The following FAM210A variants were observed in gnomAD, a reference collection of about 807,000 sequenced individuals.
FAM210A encodes the protein family with sequence similarity 210 member A.
A neutral mutation model predicts 25.3 loss-of-function variants in FAM210A; 13 were observed. The ratio of observed to expected loss-of-function variants is 0.51; its 90% CI spans 0.33 to 0.82. The LOEUF (loss-of-function observed/expected upper bound fraction) is 0.82. Among genes scored for constraint, FAM210A ranks in the 40% least tolerant of loss-of-function variants. The pLI, the probability that FAM210A is intolerant of heterozygous loss-of-function variation, is 0.02. For missense variants in FAM210A, 319 were observed against 323.2 expected (o/e 0.99, Z 0.10); for synonymous variants, 125 against 118.7 (o/e 1.05, Z -0.35).
At chr18:13,702,798 T>C (rs1284399106) in intron 1 of FAM210A, among the ~76,000 whole-genome samples, 2 of 152,214 alleles carry the variant, frequency 1.3e-5, no homozygotes, top group African/African-American at 4.8e-5. Flanking sequence ...TCATAACTGT[T>C]ACCATTTGTT....
intron 2 of FAM210A, among the ~76,000 whole-genome samples, chr18:13,679,358 C>A (rs1275960959): frequency 1.3e-5 from 2 of 152,216 alleles, no homozygotes; most frequent in Admixed American, 1.3e-4. Context: ...AGCCTCTTGT[C>A]AGGTGAATTG....
chr18:13,694,041 A>C (rs888399840), intron 1 of FAM210A, among the ~76,000 whole-genome samples: 16 of 152,230 alleles, frequency 1.1e-4, no homozygotes, highest in African/African-American at 3.6e-4. Context: ...AGGATACAAA[A>C]TCAATGTGCA....
In FAM210A at chr18:13,681,911, A is replaced by C. The variant is rs151157304; in HGVS notation, c.167T>G (p.Leu56Trp). The C allele has an allele frequency of 4.6e-5, 74 of 1,614,200 alleles. No individual in the cohort carries two copies. The highest frequency in any genetic ancestry group is 4.2e-4 in the Admixed American group (25 of 60,026). Residue 56 changes from leucine (L) to tryptophan (W), a missense_variant, in exon 2 of 4, where the codon TTG becomes TGG. Leu to Trp is a moderately conservative substitution (Grantham distance 61). Transcript: ENST00000651643. ...AACACACTGGGCAGCAGATAAATGC[A>C]ACCATTGTTTTTGAGGGCCTTGTAC... The part of the protein sequence containing the change: ...VLVQGPQKQW[L>W]HLSAAQCVAK...
At chr18:13,678,245 T>C (rs189092654) in intron 2 of FAM210A, among the ~76,000 whole-genome samples, 75 of 152,218 alleles carry the variant, frequency 4.9e-4, no homozygotes, top group Non-Finnish European at 7.4e-5. Context: ...CTGGCCTGCA[T>C]CCTTTGTCAG....
intron 1 of FAM210A, among the ~76,000 whole-genome samples, chr18:13,713,486 T>G (rs541263800): frequency 6.6e-6 from 1 of 152,290 alleles, no homozygotes; most frequent in African/African-American, 2.4e-5. Flanking sequence ...AATCACCCCA[T>G]GTGTACACAT....
intron 1 of FAM210A, chr18:13,697,681 CAAAAAAAAAA>C (rs58039903): frequency 2.1e-4 from 15 of 72,798 alleles, no homozygotes; most frequent in African/African-American, 8.6e-4. Context: ...GACTCTGTCT[CAAAAAAAAAA>C]AAAAAAAAAA....
chr18:13,703,135 T>A (rs1174325370), intron 1 of FAM210A, among the ~76,000 whole-genome samples: 1 of 152,244 alleles, frequency 6.6e-6, no homozygotes, highest in Non-Finnish European at 1.5e-5. Context: ...TCTAAGGCTC[T>A]GTACTGTTTT....
chr18:13,713,486 T>A (rs541263800), intron 1 of FAM210A, among the ~76,000 whole-genome samples: 1 of 152,172 alleles, frequency 6.6e-6, no homozygotes. Context: ...AATCACCCCA[T>A]GTGTACACAT....
intron 1 of FAM210A, among the ~76,000 whole-genome samples, chr18:13,698,734 G>C (rs1292687104): frequency 1.3e-5 from 2 of 152,080 alleles, no homozygotes; most frequent in Non-Finnish European, 2.9e-5. Flanking sequence ...CTGGGCAAAG[G>C]GCACAAGGAA....
At chr18:13,686,104 T>A (rs764057331) in intron 1 of FAM210A, among the ~76,000 whole-genome samples, 25 of 152,060 alleles carry the variant, frequency 1.6e-4, no homozygotes, top group Non-Finnish European at 2.8e-4. Context: ...TGACCAATAT[T>A]AGAAATAAAA....
intron 1 of FAM210A, among the ~76,000 whole-genome samples, chr18:13,695,682 G>A (rs1377669200): frequency 6.6e-6 from 1 of 150,696 alleles, no homozygotes; most frequent in Non-Finnish European, 1.5e-5. Context: ...CTTGGACACA[G>A]GGTAGGGAAC....
Position 13,687,044 on chromosome 18 carries a change from C to T in FAM210A, c.-28-4939G>A, listed in dbSNP as rs2043603992. ...ATTAGCAAGTCAAATCCAGCAATGT[C>T]TAAAAACTATCATACACCCAGACCC... On this transcript the variant is annotated intron_variant, in intron 1 of 3. Coordinates refer to ENST00000651643, the MANE Select transcript of FAM210A (RefSeq NM_152352.4). 2.0e-5 allele frequency among the ~76,000 whole-genome samples: 3 copies of T among 152,292 alleles called. No homozygotes were observed. The East Asian group carries it at 5.8e-4, about 29-fold the overall frequency.
At chr18:13,720,789 G>T (rs2043892513) in intron 1 of FAM210A, among the ~76,000 whole-genome samples, 1 of 152,190 alleles carries the variant, frequency 6.6e-6, no homozygotes, top group African/African-American at 2.4e-5. Context: ...GGGGTTAGAA[G>T]TCCAAGATCA....
intron 3 of FAM210A, among the ~76,000 whole-genome samples, chr18:13,669,181 A>T (rs1340944242): frequency 6.6e-6 from 1 of 152,154 alleles, no homozygotes; most frequent in African/African-American, 2.4e-5. Context: ...TTGCCTCTCA[A>T]CTAAAATACT....
chr18:13,685,373 TC>T (rs2043588179), intron 1 of FAM210A, among the ~76,000 whole-genome samples: 1 of 151,976 alleles, frequency 6.6e-6, no homozygotes, highest in Non-Finnish European at 1.5e-5. Context: ...TTCCAGGTCC[TC>T]TCAATCCTGA....
chr18:13,671,203 GTC>G (rs2043438913), intron 3 of FAM210A, among the ~76,000 whole-genome samples: 4 of 152,032 alleles, frequency 2.6e-5, no homozygotes, highest in Non-Finnish European at 4.4e-5. Context: ...CCCCCCTTCT[GTC>G]TCTGTACAGG....
chr18:13,715,829 A>T (rs1267567187), intron 1 of FAM210A, among the ~76,000 whole-genome samples: 2 of 152,238 alleles, frequency 1.3e-5, no homozygotes, highest in African/African-American at 4.8e-5. Context: ...TAAATTTCAG[A>T]TCCTATAATC....
At chr18:13,706,386 G>A (rs1366374059) in intron 1 of FAM210A, among the ~76,000 whole-genome samples, 1 of 152,046 alleles carries the variant, frequency 6.6e-6, no homozygotes, top group African/African-American at 2.4e-5. Context: ...AACTTATGGG[G>A]TATACTTTTA....
chr18:13,709,493 C>T (rs2043805876), intron 1 of FAM210A, among the ~76,000 whole-genome samples: 1 of 152,188 alleles, frequency 6.6e-6, no homozygotes, highest in South Asian at 2.1e-4. Flanking sequence ...TCAATTGCCA[C>T]CTGCTCTGTA....
Sources: gnomAD v4.1 joint callset for allele counts (sites outside exome capture counted in the v4.1 genomes callset) on GRCh38, gnomAD v4.1.1 for gene constraint, MANE v1.5 for transcripts, NCBI Gene and HGNC (gene_info 2026-07-23, HGNC 2026-07-21) for gene names.